The following TPRG1 variants were observed in gnomAD, a reference collection of about 807,000 sequenced individuals.
TPRG1 encodes tumor protein p63-regulated gene 1 protein.
Under a neutral mutation model 29.3 loss-of-function variants are expected in TPRG1, and 29 were observed. The observed-to-expected ratio is 0.99, with a 90% CI of 0.74 to 1.35. TPRG1 has a LOEUF of 1.35. TPRG1 is among the 40% of genes most tolerant of loss of function. The pLI, the probability that TPRG1 is intolerant of heterozygous loss-of-function variation, is 0.00. For missense variants in TPRG1, 327 were observed against 335.0 expected (o/e 0.98, Z 0.19); for synonymous variants, 130 against 116.8 (o/e 1.11, Z -0.73).
intron 4 of TPRG1, among the ~76,000 whole-genome samples, chr3:189,254,178 G>A (rs1053859547): frequency 3.9e-5 from 6 of 151,998 alleles, no homozygotes; most frequent in South Asian, 2.1e-4. Context: ...TCTTTAATCC[G>A]TCTTGAGTTA....
intron 1 of TPRG1, among the ~76,000 whole-genome samples, chr3:189,185,750 C>A (rs911684810): frequency 1.3e-5 from 2 of 152,102 alleles, no homozygotes; most frequent in African/African-American, 4.8e-5. Flanking sequence ...TCTTTTAAAC[C>A]TTCTCCTTCC....
chr3:189,119,141 C>T (rs114395209), intron 1 of TPRG1, among the ~76,000 whole-genome samples: 11 of 152,306 alleles, frequency 7.2e-5, no homozygotes, highest in African/African-American at 1.4e-4. Flanking sequence ...ATCAGTGTGA[C>T]GTGGATGTGA....
intron 1 of TPRG1, among the ~76,000 whole-genome samples, chr3:189,113,435 G>A (rs569181066): frequency 0.011 from 1,705 of 152,226 alleles, 12 homozygotes; most frequent in Middle Eastern, 0.02. Flanking sequence ...TGGTGAGACA[G>A]GGCATCCCTG....
chr3:189,216,012 C>A (rs1049261137), intron 3 of TPRG1, among the ~76,000 whole-genome samples: 1 of 152,146 alleles, frequency 6.6e-6, no homozygotes, highest in South Asian at 2.1e-4. Context: ...ACCTTTCTAG[C>A]CTTCTCAGAA....
At chr3:189,076,704 G>T (rs1427954478) in intron 4 of TPRG1, among the ~76,000 whole-genome samples, 1 of 151,944 alleles carries the variant, frequency 6.6e-6, no homozygotes, top group Non-Finnish European at 1.5e-5. Flanking sequence ...GGAGTGATAA[G>T]ATAATGTAAC....
At chr3:189,047,313 A>G (rs1441208503) in intron 4 of TPRG1, among the ~76,000 whole-genome samples, 1 of 152,228 alleles carries the variant, frequency 6.6e-6, no homozygotes, top group African/African-American at 2.4e-5. Context: ...ACAGTATACT[A>G]TAGTCTATTA....
chr3:189,291,323 C>T (rs1330370771), intron 4 of TPRG1, among the ~76,000 whole-genome samples: 1 of 152,038 alleles, frequency 6.6e-6, no homozygotes, highest in Non-Finnish European at 1.5e-5. Context: ...GATATGAGGA[C>T]CAAATGAGGT....
intron 4 of TPRG1, among the ~76,000 whole-genome samples, chr3:189,250,184 T>G (rs934637948): frequency 2.6e-5 from 4 of 152,174 alleles, no homozygotes; most frequent in Non-Finnish European, 4.4e-5. Context: ...TGGGGAAGCC[T>G]GTGCCAGCAG....
At chr3:189,263,318 G>A (rs1445293538) in intron 4 of TPRG1, among the ~76,000 whole-genome samples, 1 of 152,182 alleles carries the variant, frequency 6.6e-6, no homozygotes, top group Non-Finnish European at 1.5e-5. Context: ...AGATGAAGGG[G>A]TTTATGGGGT....
chr3:189,132,173 A>G (rs1170288375), intron 2 of TPRG1, among the ~76,000 whole-genome samples: 1 of 152,164 alleles, frequency 6.6e-6, no homozygotes, highest in African/African-American at 2.4e-5. Context: ...ATTTGGAGTG[A>G]GCCCAAAAGA....
At chr3:189,177,468 A>G (rs982825375) in intron 1 of TPRG1, among the ~76,000 whole-genome samples, 1 of 151,374 alleles carries the variant, frequency 6.6e-6, no homozygotes, top group East Asian at 1.9e-4. Context: ...ATATGCATAT[A>G]CTTATATATG....
chr3:189,142,743 G>A (rs779540741), intron 3 of TPRG1, among the ~76,000 whole-genome samples: 9 of 152,214 alleles, frequency 5.9e-5, no homozygotes, highest in Admixed American at 1.3e-4. Context: ...ATTTTCGGCT[G>A]CCAGTTGGCC....
chr3:189,170,420 T>C (rs1466147907), upstream of TPRG1, among the ~76,000 whole-genome samples: 1 of 152,186 alleles, frequency 6.6e-6, no homozygotes, highest in Non-Finnish European at 1.5e-5. Flanking sequence ...AAATCCTGGC[T>C]CTTCTTAACA....
intron 2 of TPRG1, among the ~76,000 whole-genome samples, chr3:189,131,641 C>T (rs956418810): frequency 2.0e-4 from 31 of 152,188 alleles, no homozygotes; most frequent in African/African-American, 7.5e-4. Flanking sequence ...AATGCAGATA[C>T]ACAGTGAATG....
chr3:189,279,456 T>G (rs1716730759), intron 4 of TPRG1, among the ~76,000 whole-genome samples: 1 of 152,112 alleles, frequency 6.6e-6, no homozygotes, highest in South Asian at 2.1e-4. Context: ...GTCTTTGGAG[T>G]CAGGTGGACC....
intron 4 of TPRG1, among the ~76,000 whole-genome samples, chr3:189,288,664 C>A (rs1718482488): frequency 1.3e-5 from 2 of 152,180 alleles, no homozygotes; most frequent in African/African-American, 2.4e-5. Flanking sequence ...AGGCTTCTCA[C>A]CTCTAAGCCT....
intron 2 of TPRG1, among the ~76,000 whole-genome samples, chr3:189,210,288 A>C (rs16864095): frequency 0.021 from 3,193 of 151,646 alleles, 123 homozygotes; most frequent in African/African-American, 0.073. Context: ...ATGGCATCTC[A>C]TTGTTGTTAT....
chr3:189,094,405 C>A (rs867372819), intron 4 of TPRG1, among the ~76,000 whole-genome samples: 8 of 152,146 alleles, frequency 5.3e-5, no homozygotes, highest in African/African-American at 1.9e-4. Flanking sequence ...TTCCACTATG[C>A]CTCTGCATGC....
At chr3:189,101,092 A>G (rs374799525) in intron 1 of TPRG1, among the ~76,000 whole-genome samples, 1 of 151,958 alleles carries the variant, frequency 6.6e-6, no homozygotes, top group Non-Finnish European at 1.5e-5. Context: ...TCTCTCACAT[A>G]CCTGCATCCA....
Sources: allele counts gnomAD v4.1 joint callset (sites outside exome capture counted in the v4.1 genomes callset), GRCh38; gene constraint gnomAD v4.1.1; transcripts MANE v1.5; gene names NCBI Gene and HGNC (gene_info 2026-07-23, HGNC 2026-07-21).